The following CELF5 variants were observed in gnomAD, a reference collection of about 807,000 sequenced individuals.
CELF5 encodes CUGBP Elav-like family member 5, also known as CUG-BP and ETR-3 like factor 5.
Under a neutral mutation model 54.9 loss-of-function variants are expected in CELF5, and 6 were observed. The observed-to-expected ratio is 0.11, with a 90% CI of 0.06 to 0.22. The LOEUF is 0.22. Ranked by LOEUF, CELF5 falls within the 10% of genes least tolerant of loss-of-function variation. The pLI is 1.00. For synonymous variants in CELF5, 271 were observed against 290.9 expected, an observed-to-expected ratio of 0.93 and a Z score of 0.70; for missense variants, 401 against 678.6, an observed-to-expected ratio of 0.59 and a Z score of 4.54.
chr19:3,225,679 T>G, intron 1 of CELF5: 2 of 817,108 alleles, frequency 2.4e-6, no homozygotes, highest in Non-Finnish European at 3.0e-6. Flanking sequence ...CCGCCTCGCC[T>G]GCCTCGGGTG....
At chr19:3,267,225 C>T (rs1467432604) in intron 2 of CELF5, among the ~76,000 whole-genome samples, 1 of 152,088 alleles carries the variant, frequency 6.6e-6, no homozygotes, top group Non-Finnish European at 1.5e-5. Context: ...CATCCTGGCA[C>T]AGGGGAGCCC....
chr19:3,273,831 C>T (rs766653295), intron 2 of CELF5, 41 bp from the exon 3 acceptor site: 5 of 1,486,654 alleles, frequency 3.4e-6, no homozygotes, highest in South Asian at 1.1e-5. Context: ...GCCACACCCC[C>T]ACTGCTAAGC....
At chr19:3,286,085 T>A in intron 10 of CELF5, 60 bp downstream of exon 10, 6 of 1,384,364 alleles carry the variant, frequency 4.3e-6, no homozygotes, top group Non-Finnish European at 4.8e-6. Flanking sequence ...CCTGTCCACC[T>A]GCAGGCTCCG....
intron 10 of CELF5, among the ~76,000 whole-genome samples, chr19:3,287,858 A>C (rs1382587822): frequency 6.6e-6 from 1 of 152,234 alleles, no homozygotes. Flanking sequence ...TCTCCATGTT[A>C]TGTGGTTTAG....
At chr19:3,284,841 C>A (rs1031972676) in intron 8 of CELF5, 61 bp from the exon 9 acceptor site, 3 of 1,430,562 alleles carry the variant, frequency 2.1e-6, no homozygotes, top group African/African-American at 1.4e-5. Context: ...TCTTAAGGAT[C>A]GGGGGTGGAT....
rs916946410 is a variant in CELF5 at position 3,253,053 on chromosome 19, C to T, written c.342+1986C>T. On this transcript the variant is annotated intron_variant, in intron 2 of 12. Transcript: ENST00000292672. ...CCCTGAATTCACTGTTCATCTTGGACCTTCTGCTGGTGCCTACCCAAACCA... is the reference window on the plus strand; with the variant it reads ...CCCTGAATTCACTGTTCATCTTGGATCTTCTGCTGGTGCCTACCCAAACCA... Among the ~76,000 whole-genome samples the T allele has an allele frequency of 2.0e-5, 3 of 151,572 alleles. 1 individual carries two copies. Among genetic ancestry groups the T allele is most frequent in the South Asian group, 4.2e-4 (2 of 4,790 alleles).
intron 2 of CELF5, among the ~76,000 whole-genome samples, chr19:3,259,648 G>A (rs866357395): frequency 1.2e-4 from 18 of 152,242 alleles, no homozygotes; most frequent in Non-Finnish European, 2.6e-4. Context: ...GCAGGGAAGC[G>A]GGTCATGGGA....
chr19:3,285,959 G>C lies in CELF5; in HGVS notation c.1120G>C (p.Ala374Pro). The C allele has an allele frequency of 6.3e-7, 1 of 1,587,332 alleles. No individual in the cohort carries two copies. Among genetic ancestry groups the C allele is most frequent in the Non-Finnish European group, 8.5e-7 (1 of 1,172,926 alleles). ...CTCCGCAGCCATGTACCCCACCGCGGCCATCACGCCCATCGCGCACAGCGT... is the reference window on the plus strand; with the variant it reads ...CTCCGCAGCCATGTACCCCACCGCGCCCATCACGCCCATCGCGCACAGCGT... ...QQYTAMYPTAAITPIAHSVPQ... is the reference protein window; with the variant it reads ...QQYTAMYPTAPITPIAHSVPQ... Residue 374 changes from alanine to proline, a missense_variant, in exon 10 of 13, where the codon GCC (alanine) becomes CCC (proline). Ala to Pro is a conservative substitution (Grantham distance 27). Transcript: ENST00000292672.
At chr19:3,225,462 T>TGG in intron 1 of CELF5, 1 of 63,222 alleles carries the variant, frequency 1.6e-5, no homozygotes. Context: ...CCGGCACCCC[T>TGG]CCCTGCCCCC....
Position 3,282,239 on chromosome 19 carries a change from G to A in CELF5, c.864G>A (p.Leu288=). ...TAGGCGCCGTCAGCCTCAACGGGCT[G>A]CCTGCCACACCCATCGCTCCTGCCT... is the stretch of plus-strand genomic sequence containing the variant. ...QQIGAVSLNG[L]PATPIAPASG... Residue 288 remains leucine, a synonymous_variant, in exon 7 of 13, where the codon CTG becomes CTA. Coordinates refer to ENST00000292672, the MANE Select transcript of CELF5 (RefSeq NM_021938.4). This position sits in a 1 kb window ranked among gnomAD's most constrained non-coding sequence, Gnocchi z 5.2. 1 of 1,612,738 alleles carries A rather than the reference G, an allele frequency of 6.2e-7. No homozygotes were observed. Among genetic ancestry groups the A allele is most frequent in the Non-Finnish European group, 8.5e-7 (1 of 1,180,002 alleles).
intron 1 of CELF5, among the ~76,000 whole-genome samples, chr19:3,250,220 G>A (rs1409439116): frequency 1.3e-5 from 2 of 152,220 alleles, no homozygotes; most frequent in African/African-American, 4.8e-5. Context: ...CGGGTGCGGT[G>A]GCTCACGCCT....
At chr19:3,261,831 T>C (rs546174090) in intron 2 of CELF5, among the ~76,000 whole-genome samples, 17 of 151,976 alleles carry the variant, frequency 1.1e-4, no homozygotes, top group Admixed American at 7.2e-4. Flanking sequence ...CAGACAAAAA[T>C]AAAAACAAAA....
intron 2 of CELF5, among the ~76,000 whole-genome samples, chr19:3,270,182 G>C (rs970990726): frequency 6.6e-6 from 1 of 152,104 alleles, no homozygotes; most frequent in South Asian, 2.1e-4. Context: ...TCTGTCTCCC[G>C]CTCCGCCAGG....
intron 1 of CELF5, among the ~76,000 whole-genome samples, chr19:3,227,798 C>G (rs565211621): frequency 6.6e-5 from 10 of 152,206 alleles, no homozygotes; most frequent in East Asian, 5.8e-4. Flanking sequence ...CATTACCCCC[C>G]CTGCCTTCCT....
At chr19:3,231,826 G>GTGGA (rs898776798) in intron 1 of CELF5, among the ~76,000 whole-genome samples, 16 of 146,058 alleles carry the variant, frequency 1.1e-4, no homozygotes, top group Admixed American at 2.7e-4. Context: ...GGATAGATGA[G>GTGGA]TGGATGGATG....
Position 3,281,438 on chromosome 19 carries a change from C to A in CELF5, c.750+93C>A. The stretch of plus-strand genomic sequence containing the variant: ...GGGCTCCTGCCTCTCCCTCCATCTC[C>A]CTGACTCAGGGTCCTCTCCTGGCGT... On this transcript the variant is annotated intron_variant, in intron 6 of 12. Coordinates refer to ENST00000292672, the MANE Select transcript of CELF5 (RefSeq NM_021938.4). This position sits in a 1 kb window ranked among gnomAD's most constrained non-coding sequence, Gnocchi z 6.5. The A allele has an allele frequency of 2.8e-6, 4 of 1,423,378 alleles. No homozygotes were observed. Among genetic ancestry groups the A allele is most frequent in the Non-Finnish European group, 3.8e-6 (4 of 1,043,626 alleles). The allele number at this position is 1,423,378 out of a possible 1,614,324, so 88.2% of individuals were successfully genotyped here.
At chr19:3,243,987 A>G (rs2079526605) in intron 1 of CELF5, among the ~76,000 whole-genome samples, 1 of 151,972 alleles carries the variant, frequency 6.6e-6, no homozygotes, top group Non-Finnish European at 1.5e-5. Flanking sequence ...AAATAAAGTC[A>G]CATTCGGAGG....
intron 8 of CELF5, among the ~76,000 whole-genome samples, chr19:3,283,310 G>A (rs1052418553): frequency 6.6e-6 from 1 of 152,114 alleles, no homozygotes; most frequent in Non-Finnish European, 1.5e-5. Flanking sequence ...TTTCCACCAT[G>A]TAGGAGAATT....
intron 1 of CELF5, among the ~76,000 whole-genome samples, chr19:3,247,211 C>T (rs2079579147): frequency 6.6e-6 from 1 of 152,128 alleles, no homozygotes; most frequent in African/African-American, 2.4e-5. Flanking sequence ...ACTGCAACCT[C>T]CACACCCTGG....
Sources: gnomAD v4.1 joint callset for allele counts (sites outside exome capture counted in the v4.1 genomes callset) on GRCh38, gnomAD v4.1.1 for gene constraint, Gnocchi (gnomAD v3.1) non-coding constraint, MANE v1.5 for transcripts, NCBI Gene and HGNC (gene_info 2026-07-23, HGNC 2026-07-21) for gene names.